Variants in RB1 observed in about 807,000 individuals in gnomAD.
RB1 encodes the protein retinoblastoma-associated protein.
RB1 carries 18 observed loss-of-function variants against 135.4 expected under a neutral mutation model. That is an observed-to-expected ratio of 0.13 (90% CI 0.09 to 0.20). The LOEUF (loss-of-function observed/expected upper bound fraction) is 0.20. RB1 is among the 10% of genes least tolerant of loss of function. The pLI, the probability that RB1 is intolerant of heterozygous loss-of-function variation, is 1.00. For missense variants in RB1, 868 were observed against 1,110.0 expected (o/e 0.78, Z 3.10); for synonymous variants, 365 against 373.2 (o/e 0.98, Z 0.25).
chr13:48,455,885 T>C (rs1390260493), intron 18 of RB1, among the ~76,000 whole-genome samples: 1 of 152,144 alleles, frequency 6.6e-6, no homozygotes, highest in Non-Finnish European at 1.5e-5. Context: ...TTAATATCAA[T>C]AAATTGTTTT....
rs1179208056 is a variant in RB1, at chr13:48,476,704, T to G, written c.2524T>G (p.Ser842Ala). 6.2e-7 allele frequency: 1 copy of G among 1,612,562 alleles called. No individual in the cohort carries two copies. Residue 842 changes from serine (S) to alanine (A), a missense_variant, in exon 25 of 27, where the codon TCT becomes GCT. Transcript: ENST00000267163. ...LVSIGESFGT[S>A]EKFQKINQMV... ...TAAAGAATTCTGTAATTTGTAGACTTCTGAGAAGTTCCAGAAAATAAATCA... is the reference window on the plus strand; with the variant it reads ...TAAAGAATTCTGTAATTTGTAGACTGCTGAGAAGTTCCAGAAAATAAATCA...
chr13:48,473,503 C>G (rs891677876), intron 24 of RB1, 113 bp downstream of exon 24: 1 of 840,692 alleles, frequency 1.2e-6, no homozygotes, highest in Non-Finnish European at 1.9e-6. Flanking sequence ...CTCATCCAGG[C>G]ATATTGCATA....
intron 17 of RB1, among the ~76,000 whole-genome samples, chr13:48,443,277 A>G (rs1460723327): frequency 1.3e-5 from 2 of 151,710 alleles, no homozygotes; most frequent in Non-Finnish European, 2.9e-5. Context: ...AAGCTGAAAA[A>G]TAAGAAATTA....
chr13:48,419,963 G>A (rs1301342996), intron 17 of RB1, among the ~76,000 whole-genome samples: 1 of 152,086 alleles, frequency 6.6e-6, no homozygotes, highest in East Asian at 1.9e-4. Flanking sequence ...AGAGGTACAA[G>A]GAGGAGCTGG....
In RB1 at chr13:48,303,827, AGGACG is replaced by A; in HGVS notation, c.-83_-79del. 6.8e-7 allele frequency: 1 copy of A among 1,471,350 alleles called. No individual in the cohort carries two copies. Among genetic ancestry groups the A allele is most frequent in the African/African-American group, 1.5e-5 (1 of 67,900 alleles). 91.1% of individuals were successfully genotyped at this position (1,471,350 alleles called of 1,614,324 possible). A position where few individuals can be genotyped will look rare whatever the true frequency, so the allele number is the denominator to read the frequency against. On this transcript the variant is annotated 5_prime_UTR_variant, in exon 1 of 27. Coordinates refer to ENST00000267163, the MANE Select transcript of RB1 (RefSeq NM_000321.3). ...TTATTTTTGTAACGGGAGTCGGGAG[AGGACG>A]GGGCGTGCCCCGACGTGCGCGCGCG... is the stretch of plus-strand genomic sequence containing the variant.
chr13:48,323,431 A>G (rs995291826), intron 2 of RB1, among the ~76,000 whole-genome samples: 1 of 151,644 alleles, frequency 6.6e-6, no homozygotes, highest in Admixed American at 6.6e-5. Context: ...GGTCAGTCTA[A>G]CTAGAAGTTT....
intron 17 of RB1, among the ~76,000 whole-genome samples, chr13:48,395,934 A>AT (rs1227691729): frequency 5.9e-4 from 90 of 152,296 alleles, no homozygotes; most frequent in Non-Finnish European, 1.2e-4. Context: ...TAATCGTCAG[A>AT]TTCACCAAGG....
At chr13:48,415,319 G>A (rs1343110404) in intron 17 of RB1, among the ~76,000 whole-genome samples, 23 of 145,032 alleles carry the variant, frequency 1.6e-4, no homozygotes, top group African/African-American at 5.4e-4. Flanking sequence ...TCACTCTGCC[G>A]CCCAGGCTGG....
At chr13:48,305,154 T>G (rs1036162616) in intron 1 of RB1, among the ~76,000 whole-genome samples, 2 of 152,212 alleles carry the variant, frequency 1.3e-5, no homozygotes, top group Non-Finnish European at 2.9e-5. Flanking sequence ...CTTGTTTCTG[T>G]TTTTCACTAT....
chr13:48,387,911 G>T (rs1337141077), intron 17 of RB1, among the ~76,000 whole-genome samples: 2 of 152,034 alleles, frequency 1.3e-5, no homozygotes, highest in Non-Finnish European at 1.5e-5. Context: ...ACTCAGACTT[G>T]TCTTTCACTC....
At chr13:48,373,653 TTAG>T (rs1428062441) in intron 12 of RB1, among the ~76,000 whole-genome samples, 161 bp downstream of exon 12, 1 of 152,110 alleles carries the variant, frequency 6.6e-6, no homozygotes, top group Non-Finnish European at 1.5e-5. Context: ...TTATATATTA[TTAG>T]TAGTATTGTT....
At chr13:48,341,029 A>T (rs1396306968) in intron 2 of RB1, 7 of 152,062 alleles carry the variant, frequency 4.6e-5, no homozygotes, top group African/African-American at 1.7e-4. Flanking sequence ...AAGATATAGA[A>T]CTTTTTGATC....
intron 17 of RB1, among the ~76,000 whole-genome samples, chr13:48,417,938 C>G (rs747273222): frequency 6.6e-6 from 1 of 152,158 alleles, no homozygotes; most frequent in Non-Finnish European, 1.5e-5. Context: ...GAGAATTGAA[C>G]CAAGTTGGAA....
chr13:48,477,928 C>T (rs1273381098), intron 26 of RB1, among the ~76,000 whole-genome samples: 1 of 152,034 alleles, frequency 6.6e-6, no homozygotes, highest in Non-Finnish European at 1.5e-5. Context: ...AGAGTGATAT[C>T]ATGTTAGGGT....
At chr13:48,326,302 T>TA (rs960916113) in intron 2 of RB1, among the ~76,000 whole-genome samples, 11 of 151,390 alleles carry the variant, frequency 7.3e-5, no homozygotes, top group Admixed American at 2.0e-4. Flanking sequence ...TCTCAATGAA[T>TA]AAAAAAAAAT....
chr13:48,374,382 G>A (rs1051338884), intron 12 of RB1, among the ~76,000 whole-genome samples: 3 of 152,178 alleles, frequency 2.0e-5, no homozygotes, highest in Non-Finnish European at 2.9e-5. Flanking sequence ...AGGGTCAGGA[G>A]ACTTATTAAA....
intron 17 of RB1, chr13:48,412,283 T>C (rs1192316093): frequency 6.2e-7 from 1 of 1,613,984 alleles, no homozygotes; most frequent in Non-Finnish European, 8.5e-7. Context: ...CATTTCGGAC[T>C]TTGAGGACGC....
At position 48,383,582 on chromosome 13, in the gene RB1, G is replaced by A. The variant is rs1050413878; in HGVS notation, c.1695+2139G>A. 7.9e-5 allele frequency among the ~76,000 whole-genome samples: 12 copies of A among 152,068 alleles called. No homozygotes were observed. In the East Asian group the frequency reaches 2.1e-3, roughly 27 times the overall value. Reference sequence around the variant, plus strand: ...CGTTTTGAATTTTTAATGACTAAGCGATAATTTATTTCTTAGTGTTTTCTT... The same window carrying A: ...CGTTTTGAATTTTTAATGACTAAGCAATAATTTATTTCTTAGTGTTTTCTT... On this transcript the variant is annotated intron_variant, in intron 17 of 26. Transcript: ENST00000267163.
intron 17 of RB1, among the ~76,000 whole-genome samples, chr13:48,443,606 C>T (rs1949259121): frequency 6.6e-6 from 1 of 151,958 alleles, no homozygotes; most frequent in African/African-American, 2.4e-5. Flanking sequence ...GTAAGGAAAC[C>T]ATGAAAGTAA....
Sources: allele counts gnomAD v4.1 joint callset (sites outside exome capture counted in the v4.1 genomes callset), GRCh38; gene constraint gnomAD v4.1.1; transcripts MANE v1.5; gene names NCBI Gene and HGNC (gene_info 2026-07-23, HGNC 2026-07-21).